The following TTC28 variants were observed in gnomAD, a reference collection of about 807,000 sequenced individuals.
TTC28 encodes tetratricopeptide repeat domain 28, also known as tetratricopeptide repeat protein 28.
Under a neutral mutation model 198.0 loss-of-function variants are expected in TTC28, and 61 were observed. The observed-to-expected ratio is 0.31, with a 90% confidence interval of 0.25 to 0.38. The LOEUF (loss-of-function observed/expected upper bound fraction) is 0.38. Among genes scored for constraint, TTC28 ranks in the 10% least tolerant of loss-of-function variants. The pLI is 1.00. For missense variants in TTC28, 2,678 were observed against 3,164.0 expected, an observed-to-expected ratio of 0.85 and a Z score of 3.69; for synonymous variants, 1,171 against 1,297.8, an observed-to-expected ratio of 0.90 and a Z score of 2.10.
intron 2 of TTC28, among the ~76,000 whole-genome samples, chr22:28,562,472 T>C (rs917693508): frequency 1.3e-5 from 2 of 152,112 alleles, no homozygotes; most frequent in South Asian, 2.1e-4. Context: ...GACAGTAAAA[T>C]ACAGAGTCTC....
intron 12 of TTC28, 22 bp downstream of exon 12, chr22:28,094,058 T>C: frequency 6.6e-7 from 1 of 1,506,314 alleles, no homozygotes; most frequent in Non-Finnish European, 8.9e-7. Context: ...GAAAATGGAC[T>C]TGGGGATGTT....
chr22:28,129,596 C>A (rs542750095), intron 6 of TTC28, among the ~76,000 whole-genome samples: 20 of 152,284 alleles, frequency 1.3e-4, no homozygotes, highest in Admixed American at 1.2e-3. Flanking sequence ...ACCTCCCTCA[C>A]GAGGTGTGGT....
At chr22:28,144,618 G>A (rs982512084) in intron 6 of TTC28, among the ~76,000 whole-genome samples, 2 of 152,140 alleles carry the variant, frequency 1.3e-5, no homozygotes, top group Non-Finnish European at 2.9e-5. Flanking sequence ...CAAATCTCTC[G>A]ATGTGTAATA....
intron 5 of TTC28, among the ~76,000 whole-genome samples, chr22:28,216,798 T>C (rs1450378131): frequency 3.3e-5 from 5 of 152,154 alleles, no homozygotes; most frequent in African/African-American, 1.2e-4. Flanking sequence ...CACATCTTAC[T>C]GCAGCCTCAA....
Position 28,098,942 on chromosome 22 carries a change from C to T in TTC28, c.3520G>A (p.Ala1174Thr), listed in dbSNP as rs1179447216. The T allele has an allele frequency of 6.4e-7, 1 of 1,551,740 alleles. No homozygotes were observed. The highest frequency in any genetic ancestry group is 2.0e-5 in the Admixed American group (1 of 51,004). Residue 1174 changes from alanine to threonine, a missense_variant, in exon 10 of 23, where the codon GCC (alanine) becomes ACC (threonine). Physicochemically the swap from Ala to Thr is moderately conservative, Grantham distance 58. Coordinates refer to ENST00000397906, the MANE Select transcript of TTC28 (RefSeq NM_001145418.2). Reference protein sequence around the residue: ...LFDLQTSSYQALQRVLVSLGH... With the variant: ...LFDLQTSSYQTLQRVLVSLGH... Reference sequence around the variant, plus strand: ...AGGCTGACGAGCACCCGCTGCAAGGCCTGGTAGGATGATGTCTGCAGGTCA... The same window carrying T: ...AGGCTGACGAGCACCCGCTGCAAGGTCTGGTAGGATGATGTCTGCAGGTCA...
In TTC28 at chr22:28,182,744, A is replaced by C. The variant is rs570606748; in HGVS notation, c.934-19145T>G. Among the ~76,000 whole-genome samples the C allele has an allele frequency of 4.6e-5, 7 of 152,274 alleles. 1 individual carries two copies. In the East Asian group the frequency reaches 1.4e-3, roughly 29 times the overall value. The stretch of plus-strand genomic sequence containing the variant: ...AGTCTCAGCTCTCTGTACTTTCACT[A>C]ATTCTAGCAGGTTTAACCTCTATCC... On this transcript the variant is annotated intron_variant, in intron 5 of 22. Transcript: ENST00000397906.
intron 2 of TTC28, among the ~76,000 whole-genome samples, chr22:28,367,980 A>G (rs1259180620): frequency 6.6e-6 from 1 of 152,080 alleles, no homozygotes; most frequent in Non-Finnish European, 1.5e-5. Flanking sequence ...AATTCTAACG[A>G]ACATTTAAAA....
chr22:28,036,631 G>A (rs934433195), intron 12 of TTC28, among the ~76,000 whole-genome samples: 3 of 152,036 alleles, frequency 2.0e-5, no homozygotes, highest in Non-Finnish European at 4.4e-5. Flanking sequence ...GAGCAAACAC[G>A]TTCAAAAACT....
intron 5 of TTC28, among the ~76,000 whole-genome samples, chr22:28,279,371 G>A (rs2044536019): frequency 6.6e-6 from 1 of 151,952 alleles, no homozygotes; most frequent in Non-Finnish European, 1.5e-5. Flanking sequence ...CATTTGATGA[G>A]GTTTTGTTTG....
At chr22:28,512,742 C>T (rs549913322) in intron 2 of TTC28, among the ~76,000 whole-genome samples, 35 of 152,126 alleles carry the variant, frequency 2.3e-4, no homozygotes, top group Admixed American at 1.4e-3. Flanking sequence ...CATGGACACA[C>T]GGTGGGGAAC....
chr22:28,489,329 C>T (rs1413607491), intron 2 of TTC28, among the ~76,000 whole-genome samples: 1 of 151,708 alleles, frequency 6.6e-6, no homozygotes, highest in African/African-American at 2.4e-5. Context: ...ACACATTACT[C>T]TGCCTCCATA....
chr22:28,319,259 G>T (rs1261589072), intron 2 of TTC28, among the ~76,000 whole-genome samples: 1 of 152,094 alleles, frequency 6.6e-6, no homozygotes, highest in African/African-American at 2.4e-5. Flanking sequence ...TCAGAAGCAT[G>T]TTCTTTTCTG....
chr22:28,536,250 G>T (rs1470067106), intron 2 of TTC28, among the ~76,000 whole-genome samples: 1 of 144,506 alleles, frequency 6.9e-6, no homozygotes, highest in Admixed American at 7.0e-5. Flanking sequence ...CCCCTTTATA[G>T]TAACAACAAA....
chr22:28,639,284 T>C (rs548462718), intron 1 of TTC28, among the ~76,000 whole-genome samples: 3 of 152,316 alleles, frequency 2.0e-5, no homozygotes, highest in South Asian at 4.1e-4. Flanking sequence ...TACGCTGATA[T>C]AGATAGAAAA....
At chr22:28,617,093 A>G (rs2050915259) in intron 2 of TTC28, among the ~76,000 whole-genome samples, 1 of 152,174 alleles carries the variant, frequency 6.6e-6, no homozygotes, top group Non-Finnish European at 1.5e-5. Flanking sequence ...CATTATTCAC[A>G]CTAAAGTAAT....
At chr22:28,548,736 C>G (rs2049595588) in intron 2 of TTC28, among the ~76,000 whole-genome samples, 1 of 152,158 alleles carries the variant, frequency 6.6e-6, no homozygotes, top group African/African-American at 2.4e-5. Context: ...ATCAATCCAG[C>G]ATTATTATAG....
Position 28,037,276 on chromosome 22 carries a change from C to A in TTC28, c.3933-6910G>T, listed in dbSNP as rs1402213902. Among the ~76,000 whole-genome samples, 4 of 152,184 alleles carry A rather than the reference C, an allele frequency of 2.6e-5. No homozygotes were observed. In the South Asian group the frequency reaches 8.3e-4, roughly 32 times the overall value. On this transcript the variant is annotated intron_variant, in intron 12 of 22. Transcript: ENST00000397906. ...CGACGCAAAAATCCTCAATAAAATA[C>A]TGGCAAACCGAATCCAGCAACACAT...
intron 1 of TTC28, among the ~76,000 whole-genome samples, chr22:28,635,994 C>G (rs1257341937): frequency 6.6e-6 from 1 of 151,956 alleles, no homozygotes; most frequent in Non-Finnish European, 1.5e-5. Flanking sequence ...CCCTTCTACT[C>G]TCTGTTTTTA....
At chr22:28,046,593 T>C (rs1285971364) in intron 12 of TTC28, among the ~76,000 whole-genome samples, 1 of 152,162 alleles carries the variant, frequency 6.6e-6, no homozygotes. Context: ...AGCAAAAAAG[T>C]AAAAGCCCCT....
Sources: allele counts gnomAD v4.1 joint callset (sites outside exome capture counted in the v4.1 genomes callset), GRCh38; gene constraint gnomAD v4.1.1; transcripts MANE v1.5; gene names NCBI Gene and HGNC (gene_info 2026-07-23, HGNC 2026-07-21).